Variants in USH2A observed in about 807,000 individuals in gnomAD.
USH2A encodes Usher syndrome 2A (autosomal recessive, mild).
USH2A carries 443 observed loss-of-function variants against 538.9 expected under a neutral mutation model. That is an observed-to-expected ratio of 0.82 (90% CI 0.76 to 0.89). The LOEUF is 0.89. Ranked by LOEUF, USH2A falls within the 40% of genes least tolerant of loss-of-function variation. The pLI, the probability that USH2A is intolerant of heterozygous loss-of-function variation, is 0.00. For synonymous variants in USH2A, 2,413 were observed against 2,273.5 expected, an observed-to-expected ratio of 1.06 and a Z score of -1.75; for missense variants, 6,633 against 6,324.8, an observed-to-expected ratio of 1.05 and a Z score of -1.65.
chr1:216,212,049 C>G (rs1186124062), intron 15 of USH2A, among the ~76,000 whole-genome samples: 1 of 151,966 alleles, frequency 6.6e-6, no homozygotes. Flanking sequence ...CAAAACTGAC[C>G]TTCAGATGAT....
intron 5 of USH2A, 138 bp from the exon 6 acceptor site, chr1:216,325,737 CATAAA>C (rs2037720481): frequency 1.2e-6 from 1 of 833,248 alleles, no homozygotes; most frequent in South Asian, 2.2e-5. Context: ...ATGCATGAAA[CATAAA>C]ATAAAACTTA....
chr1:216,104,637 G>T (rs1378340557), intron 21 of USH2A, among the ~76,000 whole-genome samples: 1 of 152,120 alleles, frequency 6.6e-6, no homozygotes, highest in African/African-American at 2.4e-5. Flanking sequence ...GCTGAAACTG[G>T]ATCCCTTCCT....
intron 38 of USH2A, among the ~76,000 whole-genome samples, chr1:215,914,412 C>G (rs949885482): frequency 6.6e-6 from 1 of 151,992 alleles, no homozygotes; most frequent in African/African-American, 2.4e-5. Context: ...GAGAGAATCA[C>G]AGTAAATCAA....
chr1:216,263,580 C>T (rs1157039818), intron 11 of USH2A, among the ~76,000 whole-genome samples: 2 of 152,160 alleles, frequency 1.3e-5, no homozygotes, highest in East Asian at 1.9e-4. Flanking sequence ...TCCCTTTATG[C>T]TAAAAACTGT....
chr1:216,036,107 G>C (rs1334731164), intron 32 of USH2A, among the ~76,000 whole-genome samples: 1 of 151,998 alleles, frequency 6.6e-6, no homozygotes, highest in Non-Finnish European at 1.5e-5. Context: ...GGTCATCTAT[G>C]GTATTGGCTA....
chr1:215,914,135 G>A (rs1665888562), intron 38 of USH2A, among the ~76,000 whole-genome samples: 1 of 142,988 alleles, frequency 7.0e-6, no homozygotes, highest in African/African-American at 2.6e-5. Flanking sequence ...GTGCAGTGGT[G>A]CAATTTCTGC....
chr1:215,906,174 A>C (rs1558154574), intron 38 of USH2A, among the ~76,000 whole-genome samples: 5 of 152,112 alleles, frequency 3.3e-5, no homozygotes, highest in Admixed American at 3.3e-4. Flanking sequence ...GTCAACCTTG[A>C]ACACAAGGAT....
At position 215,634,594 on chromosome 1, in the gene USH2A, C is replaced by T. The variant is rs780718053; in HGVS notation, c.15162G>A (p.Leu5054=). The T allele has an allele frequency of 6.2e-7, 1 of 1,614,040 alleles. No homozygotes were observed. The highest frequency in any genetic ancestry group is 1.3e-5 in the African/African-American group (1 of 74,916). The change falls in exon 70 of 72, where the codon TTG becomes TTA. Residue 5054 remains leucine, a synonymous_variant. Coordinates refer to ENST00000307340, the MANE Select transcript of USH2A (RefSeq NM_206933.4). ...GTATCAGGGACAGAAAAATGGCCAACAAGATCAAGCCCAGCATCGCCATTA... is the reference window on the plus strand; with the variant it reads ...GTATCAGGGACAGAAAAATGGCCAATAAGATCAAGCCCAGCATCGCCATTA... ...IVLMAMLGLI[L]LAIFLSLILQ... is the part of the protein sequence containing the mutation.
intron 61 of USH2A, among the ~76,000 whole-genome samples, chr1:215,682,310 A>G (rs191334454): frequency 2.6e-5 from 4 of 152,360 alleles, no homozygotes; most frequent in Middle Eastern, 3.4e-3. Flanking sequence ...CTTTTGTCAT[A>G]AGAAACATGA....
At chr1:216,370,231 C>T (rs1275947359) in intron 3 of USH2A, among the ~76,000 whole-genome samples, 1 of 151,734 alleles carries the variant, frequency 6.6e-6, no homozygotes, top group Non-Finnish European at 1.5e-5. Flanking sequence ...TGTGGTGGTG[C>T]ATTCCTGTAA....
At chr1:215,765,022 C>G (rs1240736141) in intron 56 of USH2A, among the ~76,000 whole-genome samples, 1 of 151,360 alleles carries the variant, frequency 6.6e-6, no homozygotes, top group Non-Finnish European at 1.5e-5. Context: ...TCACATTACC[C>G]TGCACTGTTG....
rs1647703603 is a variant in USH2A at position 216,338,621 on chromosome 1, A to G, written c.785-10967T>C. Among the ~76,000 whole-genome samples the G allele has an allele frequency of 1.3e-5, 2 of 151,522 alleles. 1 individual carries two copies. The highest frequency in any genetic ancestry group is 4.1e-4 in the South Asian group (2 of 4,830). On this transcript the variant is annotated intron_variant, in intron 4 of 71. Transcript: ENST00000307340. ...AAAATACAAAAAATTTTAAAAGTCA[A>G]ACCACTGAAGGAAATATTTTTACAA...
intron 21 of USH2A, among the ~76,000 whole-genome samples, chr1:216,144,198 C>T (rs2033651076): frequency 6.6e-6 from 1 of 152,132 alleles, no homozygotes; most frequent in Non-Finnish European, 1.5e-5. Context: ...AGCTAATCTT[C>T]CCTGGCTATT....
intron 38 of USH2A, among the ~76,000 whole-genome samples, chr1:215,929,494 G>A (rs1666312077): frequency 6.6e-6 from 1 of 152,048 alleles, no homozygotes; most frequent in South Asian, 2.1e-4. Context: ...GGAAAGGATA[G>A]GGATGTAGCA....
rs543870830 is a variant in USH2A, at chr1:216,006,777, A to G, written c.6326-6215T>C. ...GAGCTTCCTCTTCTAAACTCCTACA[A>G]TGCTCAGGATTTGTTCAATGGGTAC... is the stretch of plus-strand genomic sequence containing the variant. On this transcript the variant is annotated intron_variant, in intron 32 of 71. Transcript: ENST00000307340. Among the ~76,000 whole-genome samples the G allele has an allele frequency of 2.6e-5, 4 of 152,294 alleles. No individual in the cohort carries two copies. The East Asian group carries it at 7.7e-4, about 29-fold the overall frequency.
At chr1:216,154,777 A>G (rs946151036) in intron 21 of USH2A, among the ~76,000 whole-genome samples, 3 of 152,178 alleles carry the variant, frequency 2.0e-5, no homozygotes, top group African/African-American at 7.2e-5. Context: ...TGTATTGCTT[A>G]CTAGTATTTC....
intron 9 of USH2A, among the ~76,000 whole-genome samples, chr1:216,310,085 A>G (rs1198198697): frequency 6.6e-6 from 1 of 152,096 alleles, no homozygotes; most frequent in East Asian, 1.9e-4. Context: ...TTATTCTTCA[A>G]TTCATTCTAA....
At chr1:215,875,733 T>C (rs1223471197) in intron 43 of USH2A, among the ~76,000 whole-genome samples, 1 of 151,710 alleles carries the variant, frequency 6.6e-6, no homozygotes, top group Non-Finnish European at 1.5e-5. Context: ...TCAAGTTCTA[T>C]TTATTTTTTG....
At chr1:215,983,518 A>C (rs1667803295) in intron 35 of USH2A, among the ~76,000 whole-genome samples, 1 of 152,184 alleles carries the variant, frequency 6.6e-6, no homozygotes, top group Admixed American at 6.5e-5. Flanking sequence ...ATTGAAACAA[A>C]GTTTAAGAAA....
Sources: allele counts gnomAD v4.1 joint callset (sites outside exome capture counted in the v4.1 genomes callset), GRCh38; gene constraint gnomAD v4.1.1; transcripts MANE v1.5; gene names NCBI Gene and HGNC (gene_info 2026-07-23, HGNC 2026-07-21).